TMTC2: variants seen among roughly 807,000 people sequenced by gnomAD.
TMTC2 encodes the protein protein O-mannosyl-transferase TMTC2.
A neutral mutation model predicts 82.4 loss-of-function variants in TMTC2; 43 were observed. The ratio of observed to expected loss-of-function variants is 0.52; its 90% CI spans 0.41 to 0.67. The LOEUF is 0.67. Ranked by LOEUF, TMTC2 falls within the 30% of genes least tolerant of loss-of-function variation. TMTC2 has a pLI of 0.00. For synonymous variants in TMTC2, 408 were observed against 381.9 expected, an observed-to-expected ratio of 1.07 and a Z score of -0.80; for missense variants, 919 against 1,012.4, an observed-to-expected ratio of 0.91 and a Z score of 1.25.
chr12:82,786,092 G>A (rs1878164426), intron 1 of TMTC2, among the ~76,000 whole-genome samples: 1 of 152,026 alleles, frequency 6.6e-6, no homozygotes, highest in Non-Finnish European at 1.5e-5. Flanking sequence ...GTGTTTTGCT[G>A]ATGTCTTTCT....
intron 8 of TMTC2, among the ~76,000 whole-genome samples, chr12:83,012,923 C>T (rs1010019779): frequency 2.0e-5 from 3 of 152,038 alleles, no homozygotes; most frequent in Non-Finnish European, 4.4e-5. Context: ...TGTATTTCAG[C>T]TGAAGAATCG....
At chr12:82,734,276 A>G (rs1592885916) in intron 1 of TMTC2, among the ~76,000 whole-genome samples, 1 of 152,314 alleles carries the variant, frequency 6.6e-6, no homozygotes, top group Middle Eastern at 3.4e-3. Flanking sequence ...GGCTAAAGTC[A>G]AGGTGTTAAC....
chr12:82,879,246 G>A (rs1872713683), intron 2 of TMTC2, among the ~76,000 whole-genome samples: 1 of 152,128 alleles, frequency 6.6e-6, no homozygotes, highest in Non-Finnish European at 1.5e-5. Context: ...GTATGAAGTG[G>A]GTATTGTAGG....
intron 1 of TMTC2, among the ~76,000 whole-genome samples, chr12:82,736,811 A>G (rs1565728489): frequency 6.6e-6 from 1 of 152,206 alleles, no homozygotes; most frequent in Non-Finnish European, 1.5e-5. Flanking sequence ...AAAGGAAAAT[A>G]TTGGAAGCTT....
intron 3 of TMTC2, among the ~76,000 whole-genome samples, chr12:82,914,621 G>A (rs1353061321): frequency 6.6e-6 from 1 of 152,008 alleles, no homozygotes; most frequent in Non-Finnish European, 1.5e-5. Context: ...ATTCTCAGTA[G>A]CATGAGCATA....
intron 9 of TMTC2, among the ~76,000 whole-genome samples, chr12:83,035,135 C>A (rs567847900): frequency 9.4e-4 from 143 of 152,212 alleles, no homozygotes; most frequent in African/African-American, 3.3e-3. Flanking sequence ...TAGTGAACTT[C>A]CAAGTGACTT....
intron 1 of TMTC2, among the ~76,000 whole-genome samples, chr12:82,755,057 A>G (rs1876226372): frequency 1.3e-5 from 2 of 152,200 alleles, no homozygotes; most frequent in African/African-American, 4.8e-5. Flanking sequence ...TCTGTATACT[A>G]TTGTGTTTGG....
intron 11 of TMTC2, among the ~76,000 whole-genome samples, chr12:83,064,898 A>G (rs935017208): frequency 6.6e-6 from 1 of 151,976 alleles, no homozygotes; most frequent in Non-Finnish European, 1.5e-5. Flanking sequence ...TTACCTGCCT[A>G]TATGATAGCA....
chr12:83,132,272 C>T lies in TMTC2; in HGVS notation c.2394C>T (p.Ala798=), dbSNP rs189664933. ...ACCTCAATGGCAGACTCCAGAAGGC[C>T]GAGGCCAACTACCTGCGGGCCCTGC... ...ILHLNGRLQK[A]EANYLRALQL... The change falls in exon 12 of 12, where the codon GCC becomes GCT. Residue 798 remains alanine (A), a synonymous_variant. Transcript: ENST00000321196. 14 of 1,613,862 alleles carry T rather than the reference C, an allele frequency of 8.7e-6. No individual in the cohort carries two copies. Among genetic ancestry groups the T allele is most frequent in the East Asian group, 4.5e-5 (2 of 44,856 alleles).
intron 1 of TMTC2, among the ~76,000 whole-genome samples, chr12:82,832,774 T>C (rs1869824098): frequency 3.3e-5 from 5 of 152,196 alleles, no homozygotes; most frequent in Admixed American, 2.6e-4. Flanking sequence ...TACCCTTAAC[T>C]TAATTTGTCA....
chr12:83,053,719 G>A (rs1196845171), intron 10 of TMTC2, among the ~76,000 whole-genome samples: 1 of 152,030 alleles, frequency 6.6e-6, no homozygotes, highest in Non-Finnish European at 1.5e-5. Flanking sequence ...ATCTTTCTCT[G>A]TAGAATAAGC....
chr12:83,109,721 C>T (rs1348402948), intron 11 of TMTC2, among the ~76,000 whole-genome samples: 1 of 152,174 alleles, frequency 6.6e-6, no homozygotes, highest in Non-Finnish European at 1.5e-5. Context: ...ATTATAATTG[C>T]TCTCTTACCT....
chr12:82,842,756 C>A (rs2137091930), intron 1 of TMTC2, among the ~76,000 whole-genome samples: 1 of 152,246 alleles, frequency 6.6e-6, no homozygotes, highest in Middle Eastern at 3.4e-3. Context: ...TGCAGATGGC[C>A]ACATTCTTGC....
Position 82,896,002 on chromosome 12 carries a change from A to G in TMTC2, c.839A>G (p.Asn280Ser). The part of the protein sequence containing the change: ...TLTFFYLPTK[N>S]LWLLLCPDTL... ...ACCTTCTTCTACTTGCCAACCAAGA[A>G]CCTCTGGCTGTTGCTATGTCCAGAT... The change falls in exon 3 of 12, where the codon AAC (asparagine) becomes AGC (serine). Residue 280 changes from asparagine to serine, a missense_variant. Asn to Ser is a conservative substitution (Grantham distance 46). Transcript: ENST00000321196. 1 of 1,613,338 alleles carries G rather than the reference A, an allele frequency of 6.2e-7. No individual in the cohort carries two copies. The highest frequency in any genetic ancestry group is 8.5e-7 in the Non-Finnish European group (1 of 1,179,914).
intron 1 of TMTC2, among the ~76,000 whole-genome samples, chr12:82,725,332 T>A (rs1224407792): frequency 2.0e-5 from 3 of 152,206 alleles, no homozygotes; most frequent in African/African-American, 7.2e-5. Flanking sequence ...CAGCTTCTAA[T>A]GCCTAAAGGA....
At chr12:82,911,873 G>A (rs1390075089) in intron 3 of TMTC2, among the ~76,000 whole-genome samples, 1 of 152,170 alleles carries the variant, frequency 6.6e-6, no homozygotes, top group Admixed American at 6.5e-5. Flanking sequence ...GCCTCCCAAA[G>A]TGCTGGGACT....
At chr12:82,690,728 T>C (rs1872536272) in intron 1 of TMTC2, among the ~76,000 whole-genome samples, 1 of 152,178 alleles carries the variant, frequency 6.6e-6, no homozygotes, top group Non-Finnish European at 1.5e-5. Flanking sequence ...CAATCTAGTA[T>C]TGAATCTTAA....
chr12:82,949,646 A>G (rs186739313), intron 4 of TMTC2, among the ~76,000 whole-genome samples: 86 of 152,312 alleles, frequency 5.6e-4, no homozygotes, highest in Admixed American at 5.4e-3. Context: ...CTTCATCTGC[A>G]ACATTGGGTT....
intron 1 of TMTC2, among the ~76,000 whole-genome samples, chr12:82,800,707 A>G (rs1028757920): frequency 3.3e-5 from 5 of 152,164 alleles, no homozygotes; most frequent in African/African-American, 1.2e-4. Flanking sequence ...GATAATACAA[A>G]TGACACCTCC....
Sources: gnomAD v4.1 joint callset for allele counts (sites outside exome capture counted in the v4.1 genomes callset) on GRCh38, gnomAD v4.1.1 for gene constraint, MANE v1.5 for transcripts, NCBI Gene and HGNC (gene_info 2026-07-23, HGNC 2026-07-21) for gene names.